Variants in ARHGAP17 observed in about 807,000 individuals in gnomAD.
ARHGAP17 encodes the protein Rho GTPase activating protein 17, also known as rho GTPase-activating protein 17.
A neutral mutation model predicts 99.5 loss-of-function variants in ARHGAP17; 57 were observed. That is an observed-to-expected ratio of 0.57 (90% confidence interval 0.46 to 0.71). The LOEUF (loss-of-function observed/expected upper bound fraction) is 0.71, where lower values mean the gene tolerates loss of function less well. Ranked by LOEUF, ARHGAP17 falls within the 30% of genes least tolerant of loss-of-function variation. The pLI, the probability that ARHGAP17 is intolerant of heterozygous loss-of-function variation, is 0.00. For missense variants in ARHGAP17, 1,000 were observed against 1,122.4 expected (o/e 0.89, Z 1.56); for synonymous variants, 417 against 429.6 (o/e 0.97, Z 0.36).
intron 1 of ARHGAP17, among the ~76,000 whole-genome samples, chr16:24,982,981 TA>T (rs2052727184): frequency 2.9e-4 from 3 of 10,236 alleles, no homozygotes; most frequent in African/African-American, 9.3e-4. Flanking sequence ...TATATATATA[TA>T]TATATATATA....
At position 24,954,725 on chromosome 16, in the gene ARHGAP17, A is replaced by C; in HGVS notation, c.730T>G (p.Trp244Gly). 1 of 1,613,854 alleles carries C rather than the reference A, an allele frequency of 6.2e-7. No individual in the cohort carries two copies. Among genetic ancestry groups the C allele is most frequent in the East Asian group, 2.2e-5 (1 of 44,866 alleles). Reference sequence around the variant, plus strand: ...GTCCCAAAGGCTGGTTTTTCCGCCCACTTATCTAGAGCAGCAAATTGTTCA... The same window carrying C: ...GTCCCAAAGGCTGGTTTTTCCGCCCCCTTATCTAGAGCAGCAAATTGTTCA... Reference protein sequence around the residue: ...LPEMRAHQDKWAEKPAFGTPL... With the variant: ...LPEMRAHQDKGAEKPAFGTPL... The change falls in exon 10 of 20, where the codon TGG (tryptophan) becomes GGG (glycine). Residue 244 changes from tryptophan (W) to glycine (G), a missense_variant. Physicochemically the swap from Trp to Gly is radical, Grantham distance 184. Transcript: ENST00000289968.
intron 19 of ARHGAP17, chr16:24,929,698 G>C (rs1398607928): frequency 6.1e-6 from 6 of 980,132 alleles, no homozygotes; most frequent in Admixed American, 6.1e-5. Context: ...ACATGGCTTT[G>C]TTGTTTTCAA....
At chr16:24,977,454 A>G in intron 2 of ARHGAP17, 135 bp from the exon 3 acceptor site, 1 of 604,004 alleles carries the variant, frequency 1.7e-6, no homozygotes, top group South Asian at 3.0e-5. Flanking sequence ...TATCACACTG[A>G]GTGGCGCCAG....
chr16:24,968,684 C>A lies in ARHGAP17; in HGVS notation c.361G>T (p.Asp121Tyr). 6.2e-7 allele frequency: 1 copy of A among 1,614,202 alleles called. No individual in the cohort carries two copies. Among genetic ancestry groups the A allele is most frequent in the Non-Finnish European group, 8.5e-7 (1 of 1,180,034 alleles). ...ACCTCAGCTATGCCGTACAGAGGGT[C>A]CACGATCTCCTTCTCAACAAAGACT... ...HEVFVEKEIV[D>Y]PLYGIAEVEI... The change falls in exon 5 of 20, where the codon GAC (aspartate) becomes TAC (tyrosine). Residue 121 changes from aspartate to tyrosine, a missense_variant. This residue lies in a region of ARHGAP17 where 472 missense variants were observed against 611.1 expected (regional missense o/e 0.77). Coordinates refer to ENST00000289968, the MANE Select transcript of ARHGAP17 (RefSeq NM_001006634.3).
intron 1 of ARHGAP17, among the ~76,000 whole-genome samples, chr16:24,997,982 T>C (rs1190035609): frequency 1.3e-5 from 2 of 151,996 alleles, no homozygotes; most frequent in African/African-American, 4.8e-5. Context: ...GGGGAGTTCA[T>C]GCAGAAGCAG....
rs879319418 is a variant in ARHGAP17 at position 24,984,661 on chromosome 16, C to CA, written c.54-5657dup. On this transcript the variant is annotated intron_variant, in intron 1 of 19. Coordinates refer to ENST00000289968, the MANE Select transcript of ARHGAP17 (RefSeq NM_001006634.3). ...TGGGCGACAGAGCAAGACTCCGTCT[C>CA]AAAAAAAAAAAAGAAATACACACTG... Among the ~76,000 whole-genome samples the CA allele has an allele frequency of 1.6e-3, 207 of 129,200 alleles. 2 individuals carry two copies. Among genetic ancestry groups the CA allele is most frequent in the East Asian group, 8.2e-3 (38 of 4,620 alleles). 84.8% of individuals were successfully genotyped at this position (129,200 alleles called of 152,430 possible).
Position 25,000,484 on chromosome 16 carries a change from T to C in ARHGAP17, c.53+14725A>G, listed in dbSNP as rs117920930. ...CATGTGGACGGCTTTTCTTGAATCTTGGGGTTTTTGTCCATGCGCTTGAGG... is the reference window on the plus strand; with the variant it reads ...CATGTGGACGGCTTTTCTTGAATCTCGGGGTTTTTGTCCATGCGCTTGAGG... On this transcript the variant is annotated intron_variant, in intron 1 of 19. Transcript: ENST00000289968. Among the ~76,000 whole-genome samples, 933 of 152,308 alleles carry C rather than the reference T, an allele frequency of 6.1e-3. 5 individuals are homozygous for C. Among genetic ancestry groups the C allele is most frequent in the Middle Eastern group, 0.027 (8 of 294 alleles).
Position 24,968,785 on chromosome 16 carries a change from G to A in ARHGAP17, c.273-13C>T. ...CTCCAGCATCTTCCTTTAAAAACAAGACCCCCAACAACGAGCACGTGCTCA... is the reference window on the plus strand; with the variant it reads ...CTCCAGCATCTTCCTTTAAAAACAAAACCCCCAACAACGAGCACGTGCTCA... On this transcript the variant is annotated splice_polypyrimidine_tract_variant and intron_variant, in intron 4 of 19. Coordinates refer to ENST00000289968, the MANE Select transcript of ARHGAP17 (RefSeq NM_001006634.3). 6.2e-7 allele frequency: 1 copy of A among 1,613,578 alleles called. No homozygotes were observed. Among genetic ancestry groups the A allele is most frequent in the Non-Finnish European group, 8.5e-7 (1 of 1,179,582 alleles).
chr16:25,011,733 A>G (rs560170386), intron 1 of ARHGAP17, among the ~76,000 whole-genome samples: 109 of 151,978 alleles, frequency 7.2e-4, no homozygotes, highest in Non-Finnish European at 1.3e-3. Context: ...CCCCAGAAGA[A>G]GCCAAATCTG....
intron 1 of ARHGAP17, among the ~76,000 whole-genome samples, chr16:24,998,232 G>C (rs947454675): frequency 6.6e-6 from 1 of 152,016 alleles, no homozygotes; most frequent in Non-Finnish European, 1.5e-5. Flanking sequence ...GAGCGTGGAT[G>C]ACAGAGGAAG....
chr16:24,991,632 G>C (rs2053046612), intron 1 of ARHGAP17, among the ~76,000 whole-genome samples: 2 of 152,180 alleles, frequency 1.3e-5, no homozygotes, highest in African/African-American at 2.4e-5. Context: ...TGGAGAGTTA[G>C]TAAACCCTGC....
chr16:24,940,252 A>C (rs918999330), intron 16 of ARHGAP17, among the ~76,000 whole-genome samples: 1 of 152,162 alleles, frequency 6.6e-6, no homozygotes, highest in African/African-American at 2.4e-5. Context: ...TTCCCATCTC[A>C]AATCTGTTTT....
chr16:24,973,130 T>A (rs2052417945), intron 3 of ARHGAP17, among the ~76,000 whole-genome samples: 1 of 152,146 alleles, frequency 6.6e-6, no homozygotes, highest in Non-Finnish European at 1.5e-5. Context: ...GCACCATGCC[T>A]GGCCAGGGAT....
chr16:24,953,116 G>C (rs2051694380), intron 10 of ARHGAP17, 74 bp from the exon 11 acceptor site: 3 of 1,369,536 alleles, frequency 2.2e-6, no homozygotes, highest in Non-Finnish European at 3.1e-6. Context: ...GTGTTCTGAT[G>C]GGTATTTCCT....
chr16:24,991,732 T>C (rs1015089485), intron 1 of ARHGAP17, among the ~76,000 whole-genome samples: 3 of 152,194 alleles, frequency 2.0e-5, no homozygotes, highest in Non-Finnish European at 4.4e-5. Context: ...CAGCTGAGCA[T>C]GCATTCACAG....
intron 8 of ARHGAP17, 68 bp downstream of exon 8, chr16:24,959,843 T>C: frequency 6.2e-7 from 1 of 1,604,104 alleles, no homozygotes; most frequent in Non-Finnish European, 8.5e-7. Flanking sequence ...AATGAAATCT[T>C]TTGCAAAAAA....
chr16:24,983,481 T>G (rs1363418040), intron 1 of ARHGAP17, among the ~76,000 whole-genome samples: 1 of 151,958 alleles, frequency 6.6e-6, no homozygotes, highest in East Asian at 1.9e-4. Flanking sequence ...TTTAAAATTT[T>G]TTTTATAGAG....
At chr16:24,970,703 G>T in intron 3 of ARHGAP17, 123 bp from the exon 4 acceptor site, 2 of 858,102 alleles carry the variant, frequency 2.3e-6, no homozygotes, top group Non-Finnish European at 1.9e-6. Context: ...GAGACAGCCT[G>T]TCTGGGTTCA....
chr16:24,962,169 AAAG>A (rs1454786102), intron 7 of ARHGAP17, among the ~76,000 whole-genome samples: 1 of 151,936 alleles, frequency 6.6e-6, no homozygotes, highest in Non-Finnish European at 1.5e-5. Context: ...ACAAAGAGAG[AAAG>A]AAGAAAAAGA....
Sources: allele counts gnomAD v4.1 joint callset (sites outside exome capture counted in the v4.1 genomes callset), GRCh38; gene constraint gnomAD v4.1.1; regional missense constraint gnomAD v4.1.1; transcripts MANE v1.5; gene names NCBI Gene and HGNC (gene_info 2026-07-23, HGNC 2026-07-21).